Variants in SDK1 observed in about 807,000 individuals in gnomAD.
The protein encoded by SDK1 is protein sidekick-1.
SDK1 carries 157 observed loss-of-function variants against 245.5 expected under a neutral mutation model. That is an observed-to-expected ratio of 0.64 (90% CI 0.56 to 0.73). The LOEUF (loss-of-function observed/expected upper bound fraction) is 0.73. SDK1 is among the 30% of genes least tolerant of loss of function. SDK1 has a pLI of 0.00. For synonymous variants in SDK1, 1,647 were observed against 1,278.5 expected (o/e 1.29, Z -6.15); for missense variants, 3,583 against 3,002.3 (o/e 1.19, Z -4.52).
At chr7:3,373,050 T>G (rs891275203) in intron 1 of SDK1, among the ~76,000 whole-genome samples, 4 of 152,258 alleles carry the variant, frequency 2.6e-5, no homozygotes, top group African/African-American at 9.6e-5. Flanking sequence ...TTAAGAATTA[T>G]TGCTTAGTAT....
chr7:4,255,367 T>A (rs1787559386), intron 44 of SDK1, among the ~76,000 whole-genome samples: 1 of 152,218 alleles, frequency 6.6e-6, no homozygotes, highest in Non-Finnish European at 1.5e-5. Flanking sequence ...TGTCACTGCA[T>A]CAAAGTGGAG....
chr7:3,467,221 C>G (rs1432974714), intron 1 of SDK1, among the ~76,000 whole-genome samples: 1 of 151,920 alleles, frequency 6.6e-6, no homozygotes, highest in Non-Finnish European at 1.5e-5. Context: ...AATATTAAAG[C>G]ACTTTCACAT....
chr7:3,939,508 G>T (rs1780278741), intron 5 of SDK1, among the ~76,000 whole-genome samples: 1 of 152,056 alleles, frequency 6.6e-6, no homozygotes, highest in South Asian at 2.1e-4. Context: ...GTGTATTTCA[G>T]TTTCCACAAT....
intron 4 of SDK1, among the ~76,000 whole-genome samples, chr7:3,734,831 C>T (rs116956667): frequency 6.6e-6 from 1 of 152,292 alleles, no homozygotes; most frequent in Non-Finnish European, 1.5e-5. Context: ...GATTAGCCAG[C>T]TTTTCTTTGG....
At chr7:4,048,760 G>C (rs561170966) in intron 17 of SDK1, among the ~76,000 whole-genome samples, 1 of 152,226 alleles carries the variant, frequency 6.6e-6, no homozygotes, top group African/African-American at 2.4e-5. Context: ...CCTGAAGGCA[G>C]TCATTTGGCA....
chr7:3,489,162 G>A (rs1160736960), intron 1 of SDK1, among the ~76,000 whole-genome samples: 1 of 152,126 alleles, frequency 6.6e-6, no homozygotes, highest in Non-Finnish European at 1.5e-5. Context: ...AGTTCTCACT[G>A]AATTTAAGGC....
At chr7:3,739,967 A>G (rs940281696) in intron 4 of SDK1, among the ~76,000 whole-genome samples, 1 of 152,186 alleles carries the variant, frequency 6.6e-6, no homozygotes, top group Non-Finnish European at 1.5e-5. Flanking sequence ...TAATTCTGTA[A>G]GATATATATT....
intron 4 of SDK1, among the ~76,000 whole-genome samples, chr7:3,777,056 G>T (rs1780587997): frequency 6.6e-6 from 1 of 152,130 alleles, no homozygotes; most frequent in Admixed American, 6.5e-5. Flanking sequence ...TAATTGTGAT[G>T]ATATTTTTCT....
intron 1 of SDK1, among the ~76,000 whole-genome samples, chr7:3,475,026 A>C (rs1781309776): frequency 1.3e-5 from 2 of 152,140 alleles, no homozygotes; most frequent in Non-Finnish European, 2.9e-5. Context: ...ATACCCCTGC[A>C]TTCACTTGGT....
chr7:3,528,554 C>G (rs889675471), intron 1 of SDK1, among the ~76,000 whole-genome samples: 3 of 152,058 alleles, frequency 2.0e-5, no homozygotes, highest in Non-Finnish European at 2.9e-5. Context: ...AGATTACTCT[C>G]CTTGCTGTCT....
At chr7:3,514,304 T>A (rs1373484115) in intron 1 of SDK1, among the ~76,000 whole-genome samples, 1 of 152,216 alleles carries the variant, frequency 6.6e-6, no homozygotes, top group Non-Finnish European at 1.5e-5. Flanking sequence ...TGTGTCTTTA[T>A]GTGTGAATTT....
At chr7:3,993,579 G>A (rs896747786) in intron 14 of SDK1, among the ~76,000 whole-genome samples, 17 of 152,074 alleles carry the variant, frequency 1.1e-4, no homozygotes, top group Non-Finnish European at 2.2e-4. Flanking sequence ...AGTTATGCAT[G>A]CTGATTAATA....
intron 4 of SDK1, among the ~76,000 whole-genome samples, chr7:3,799,746 G>C (rs1178997197): frequency 4.1e-5 from 6 of 147,218 alleles, no homozygotes; most frequent in African/African-American, 1.2e-4. Context: ...TCCTAAAATT[G>C]CCATACTGGG....
At chr7:3,710,019 A>T (rs1413074072) in intron 4 of SDK1, among the ~76,000 whole-genome samples, 1 of 152,228 alleles carries the variant, frequency 6.6e-6, no homozygotes, top group Non-Finnish European at 1.5e-5. Flanking sequence ...TTGACATATT[A>T]CTTGACTATA....
chr7:3,409,102 CT>C (rs1025765016), intron 1 of SDK1, among the ~76,000 whole-genome samples: 39 of 152,170 alleles, frequency 2.6e-4, no homozygotes, highest in Non-Finnish European at 5.3e-4. Flanking sequence ...TATGAGTTGG[CT>C]TTCTTTTGTG....
intron 5 of SDK1, among the ~76,000 whole-genome samples, chr7:3,946,961 C>G (rs528451554): frequency 7.2e-5 from 11 of 152,182 alleles, no homozygotes; most frequent in Non-Finnish European, 1.6e-4. Context: ...TATTTAACTC[C>G]GTGTCTTAAC....
chr7:3,346,965 C>G (rs1044437951), intron 1 of SDK1, among the ~76,000 whole-genome samples: 5 of 149,490 alleles, frequency 3.3e-5, no homozygotes, highest in African/African-American at 7.4e-5. Flanking sequence ...GCTACTGCAC[C>G]CAGCCCTGAG....
chr7:3,758,809 T>C (rs1271294708), intron 4 of SDK1, among the ~76,000 whole-genome samples: 1 of 152,154 alleles, frequency 6.6e-6, no homozygotes, highest in Non-Finnish European at 1.5e-5. Context: ...CCTCTAGGCC[T>C]CTCAGTGGAC....
At chr7:3,599,881 A>G (rs1056138407) in intron 1 of SDK1, among the ~76,000 whole-genome samples, 8 of 152,186 alleles carry the variant, frequency 5.3e-5, no homozygotes, top group South Asian at 2.1e-4. Context: ...GTGATTCCTC[A>G]TATTATTTTG....
Sources: gnomAD v4.1 joint callset for allele counts (sites outside exome capture counted in the v4.1 genomes callset) on GRCh38, gnomAD v4.1.1 for gene constraint, MANE v1.5 for transcripts, NCBI Gene and HGNC (gene_info 2026-07-23, HGNC 2026-07-21) for gene names.